The following CORO2B variants were observed in gnomAD, a reference collection of about 807,000 sequenced individuals.
CORO2B encodes the protein coronin 2B.
In CORO2B, 26 loss-of-function variants were observed where a neutral mutation model predicts 58.8. The observed-to-expected ratio is 0.44, with a 90% CI of 0.32 to 0.61. The LOEUF (loss-of-function observed/expected upper bound fraction) is 0.61. Among genes scored for constraint, CORO2B ranks in the 20% least tolerant of loss-of-function variants. The probability of loss-of-function intolerance (pLI) is 0.04; values close to 1 mark genes in which losing one functional copy is unlikely to be tolerated. For missense variants in CORO2B, 460 were observed against 645.1 expected, an observed-to-expected ratio of 0.71 and a Z score of 3.11; for synonymous variants, 242 against 253.8, an observed-to-expected ratio of 0.95 and a Z score of 0.44.
the CORO2B span, among the ~76,000 whole-genome samples, chr15:68,531,574 GAGAAAGAAAGAGAA>G: frequency 2.1e-5 from 3 of 144,112 alleles, no homozygotes; most frequent in Non-Finnish European, 4.5e-5. Context: ...GAGAAAGAAA[GAGAAAGAAAGAGAA>G]AGAAAGAAGG....
At chr15:68,620,637 C>A (rs1900489266) in intron 1 of CORO2B, among the ~76,000 whole-genome samples, 1 of 152,170 alleles carries the variant, frequency 6.6e-6, no homozygotes, top group African/African-American at 2.4e-5. Flanking sequence ...TTCCAAAGTG[C>A]CTTCTCTGTT....
chr15:68,563,865 A>T, the CORO2B span, among the ~76,000 whole-genome samples: 1 of 152,218 alleles, frequency 6.6e-6, no homozygotes, highest in Non-Finnish European at 1.5e-5. Flanking sequence ...GATTCAGTAA[A>T]TAATCAAGAA....
chr15:68,627,159 C>T (rs1224335848), intron 1 of CORO2B, among the ~76,000 whole-genome samples: 5 of 152,144 alleles, frequency 3.3e-5, no homozygotes, highest in East Asian at 3.8e-4. Context: ...TGCTTCTAAA[C>T]GTATTACTTA....
the CORO2B span, among the ~76,000 whole-genome samples, chr15:68,536,668 G>C: frequency 2.0e-5 from 3 of 152,180 alleles, no homozygotes; most frequent in African/African-American, 7.2e-5. Context: ...ATAGACCACT[G>C]ATTTTTAGCT....
intron 1 of CORO2B, among the ~76,000 whole-genome samples, chr15:68,593,538 G>C (rs7175828): frequency 0.011 from 1,623 of 152,248 alleles, 34 homozygotes; most frequent in African/African-American, 0.036. Context: ...CTAGACACTT[G>C]TGACTGAGCT....
At chr15:68,642,527 G>A (rs1218747307) in intron 1 of CORO2B, among the ~76,000 whole-genome samples, 1 of 152,146 alleles carries the variant, frequency 6.6e-6, no homozygotes. Flanking sequence ...CCACTAGGCT[G>A]GGCTCCCTTC....
At chr15:68,556,923 C>A in the CORO2B span, among the ~76,000 whole-genome samples, 1 of 152,224 alleles carries the variant, frequency 6.6e-6, no homozygotes, top group African/African-American at 2.4e-5. Flanking sequence ...CTTCCTCCCC[C>A]ATCCCAGTCT....
At chr15:68,628,110 A>G (rs184399718) in intron 1 of CORO2B, among the ~76,000 whole-genome samples, 18 of 152,370 alleles carry the variant, frequency 1.2e-4, no homozygotes, top group African/African-American at 3.8e-4. Flanking sequence ...CTTTGCATAT[A>G]TTAGTAATAA....
chr15:68,533,364 C>A, the CORO2B span, among the ~76,000 whole-genome samples: 1 of 152,180 alleles, frequency 6.6e-6, no homozygotes, highest in Admixed American at 6.5e-5. Flanking sequence ...CAGAAACTTT[C>A]AACTAGGCTA....
intron 1 of CORO2B, among the ~76,000 whole-genome samples, chr15:68,605,127 A>G (rs1900076194): frequency 6.6e-6 from 1 of 152,204 alleles, no homozygotes; most frequent in African/African-American, 2.4e-5. Context: ...GAAAAAAAAA[A>G]AAAAAGAAGT....
At chr15:68,639,767 T>C (rs761029253) in intron 1 of CORO2B, among the ~76,000 whole-genome samples, 7 of 152,198 alleles carry the variant, frequency 4.6e-5, no homozygotes, top group Non-Finnish European at 1.0e-4. Context: ...GAAAGTCCTT[T>C]CTTTTACAGA....
At chr15:68,691,296 C>T (rs1267594040) in intron 2 of CORO2B, among the ~76,000 whole-genome samples, 2 of 139,242 alleles carry the variant, frequency 1.4e-5, no homozygotes, top group African/African-American at 5.4e-5. Flanking sequence ...CGCCACTGCA[C>T]TCCAGCCTGG....
intron 11 of CORO2B, among the ~76,000 whole-genome samples, chr15:68,723,181 G>A (rs1170635230): frequency 7.1e-6 from 1 of 140,492 alleles, no homozygotes; most frequent in African/African-American, 2.7e-5. Flanking sequence ...GGGTACAATG[G>A]CACAATCTTG....
chr15:68,725,677 A>G (rs567892400), intron 11 of CORO2B, among the ~76,000 whole-genome samples, 166 bp from the exon 12 acceptor site: 1 of 152,070 alleles, frequency 6.6e-6, no homozygotes, highest in East Asian at 2.0e-4. Context: ...TAGAGATGGG[A>G]GAGGTGCAAT....
rs1179825729 is a variant in CORO2B at position 68,671,769 on chromosome 15, C to T, written c.217-23371C>T. Among the ~76,000 whole-genome samples, 16 of 152,166 alleles carry T rather than the reference C, an allele frequency of 1.1e-4. 1 individual carries two copies. On this transcript the variant is annotated intron_variant, in intron 2 of 11. Coordinates refer to ENST00000261861, the MANE Select transcript of CORO2B (RefSeq NM_006091.5). ...CAGCTGGCCTCCTCTGAGTGGTGAT[C>T]CAGGTGAGAGCAAGAGAGCCCAGGC...
intron 3 of CORO2B, among the ~76,000 whole-genome samples, chr15:68,700,012 G>A (rs772963178): frequency 2.0e-5 from 3 of 152,150 alleles, no homozygotes; most frequent in Non-Finnish European, 2.9e-5. Flanking sequence ...GAGGGGGTGG[G>A]GCGTAAAGGA....
At chr15:68,639,772 T>G (rs764434328) in intron 1 of CORO2B, among the ~76,000 whole-genome samples, 13 of 152,230 alleles carry the variant, frequency 8.5e-5, no homozygotes, top group Non-Finnish European at 1.5e-4. Context: ...TCCTTTCTTT[T>G]ACAGAGTTCA....
chr15:68,685,921 G>A (rs1902955140), intron 2 of CORO2B, among the ~76,000 whole-genome samples: 1 of 151,962 alleles, frequency 6.6e-6, no homozygotes, highest in African/African-American at 2.4e-5. Flanking sequence ...AAAAGAGTAG[G>A]AAGGGAGGGT....
chr15:68,608,647 C>T (rs1025498758), intron 1 of CORO2B, among the ~76,000 whole-genome samples: 28 of 152,198 alleles, frequency 1.8e-4, no homozygotes, highest in African/African-American at 6.3e-4. Flanking sequence ...CCCTCTGCTT[C>T]CCAGTTCCTC....
Sources: allele counts gnomAD v4.1 joint callset (sites outside exome capture counted in the v4.1 genomes callset), GRCh38; gene constraint gnomAD v4.1.1; transcripts MANE v1.5; gene names NCBI Gene and HGNC (gene_info 2026-07-23, HGNC 2026-07-21).